The following LRP1B variants were observed in gnomAD, a reference collection of about 807,000 sequenced individuals.
LRP1B encodes the protein LDL receptor related protein 1B.
A neutral mutation model predicts 556.6 loss-of-function variants in LRP1B; 217 were observed. The ratio of observed to expected loss-of-function variants is 0.39; its 90% CI spans 0.35 to 0.44. The LOEUF (loss-of-function observed/expected upper bound fraction) is 0.44. LRP1B is among the 20% of genes least tolerant of loss of function. The pLI is 1.00. For missense variants in LRP1B, 5,053 were observed against 5,620.8 expected (o/e 0.90, Z 3.23); for synonymous variants, 2,047 against 1,865.8 (o/e 1.10, Z -2.50).
chr2:141,877,553 G>A (rs985969215), intron 1 of LRP1B, among the ~76,000 whole-genome samples: 2 of 151,990 alleles, frequency 1.3e-5, no homozygotes, highest in Non-Finnish European at 2.9e-5. Flanking sequence ...AAGAAGGAAG[G>A]TGATATTGTC....
intron 2 of LRP1B, among the ~76,000 whole-genome samples, chr2:141,553,825 A>G (rs934667985): frequency 7.2e-6 from 1 of 138,838 alleles, no homozygotes; most frequent in African/African-American, 2.6e-5. Flanking sequence ...TAATAGATAT[A>G]GGTATATAAT....
chr2:141,888,866 C>G (rs559085401), intron 1 of LRP1B, among the ~76,000 whole-genome samples: 1 of 152,104 alleles, frequency 6.6e-6, no homozygotes, highest in Non-Finnish European at 1.5e-5. Flanking sequence ...ATTCCACTTT[C>G]GTATATTGTA....
intron 84 of LRP1B, among the ~76,000 whole-genome samples, chr2:140,281,954 A>C (rs536532253): frequency 6.1e-4 from 93 of 151,718 alleles, no homozygotes; most frequent in African/African-American, 2.2e-3. Flanking sequence ...TAATTTTATA[A>C]ACTTTTGATG....
intron 77 of LRP1B, among the ~76,000 whole-genome samples, chr2:140,345,829 T>G (rs1336053979): frequency 1.4e-5 from 2 of 140,292 alleles, no homozygotes; most frequent in Non-Finnish European, 3.1e-5. Flanking sequence ...CATATATACA[T>G]ATATATATAC....
At chr2:140,653,230 C>T (rs1171004998) in intron 41 of LRP1B, among the ~76,000 whole-genome samples, 1 of 151,848 alleles carries the variant, frequency 6.6e-6, no homozygotes, top group African/African-American at 2.4e-5. Flanking sequence ...AGGAAACCTC[C>T]CGGACTATAC....
intron 6 of LRP1B, among the ~76,000 whole-genome samples, chr2:141,191,951 G>C (rs1389374026): frequency 6.6e-6 from 1 of 151,902 alleles, no homozygotes; most frequent in African/African-American, 2.4e-5. Flanking sequence ...CAAAAGAGCT[G>C]TTTGACAGCA....
chr2:142,043,239 T>C (rs540475212), intron 1 of LRP1B, among the ~76,000 whole-genome samples: 28 of 151,670 alleles, frequency 1.8e-4, no homozygotes, highest in Non-Finnish European at 3.4e-4. Flanking sequence ...TGAAACACAA[T>C]CCATATAAAC....
chr2:141,971,392 T>A (rs1254120785), intron 1 of LRP1B, among the ~76,000 whole-genome samples: 1 of 151,506 alleles, frequency 6.6e-6, no homozygotes, highest in Non-Finnish European at 1.5e-5. Flanking sequence ...CCTAAGGACA[T>A]CCTTGTCTTC....
chr2:141,740,942 A>G lies in LRP1B; in HGVS notation c.205+69337T>C, dbSNP rs188775830. On this transcript the variant is annotated intron_variant, in intron 2 of 90. Coordinates refer to ENST00000389484, the MANE Select transcript of LRP1B (RefSeq NM_018557.3). The stretch of plus-strand genomic sequence containing the variant: ...CACTACTCTCTCTAGTTTCTGGTAA[A>G]CCAGCCTTCTACTTTCTACCTCCGT... 8.5e-5 allele frequency among the ~76,000 whole-genome samples: 13 copies of G among 152,244 alleles called. No homozygotes were observed. The East Asian group carries it at 2.5e-3, about 29-fold the overall frequency.
intron 26 of LRP1B, 97 bp downstream of exon 26, chr2:140,868,002 T>A (rs2105155243): frequency 7.5e-7 from 1 of 1,333,076 alleles, no homozygotes; most frequent in Non-Finnish European, 1.0e-6. Context: ...AATTTTAATA[T>A]ATGTATACAT....
intron 20 of LRP1B, among the ~76,000 whole-genome samples, chr2:140,948,358 T>C (rs1350700319): frequency 3.3e-5 from 5 of 152,274 alleles, no homozygotes; most frequent in African/African-American, 9.6e-5. Context: ...GTTTCAAATA[T>C]TGGCAAAAAA....
chr2:140,841,895 G>C (rs1020519354), intron 29 of LRP1B, among the ~76,000 whole-genome samples: 1 of 147,782 alleles, frequency 6.8e-6, no homozygotes, highest in Non-Finnish European at 1.5e-5. Context: ...TATAAAGTAG[G>C]CCAGTTTAGT....
intron 3 of LRP1B, among the ~76,000 whole-genome samples, chr2:141,266,068 TAATCCCAGCACTTTG>T (rs1351282155): frequency 6.6e-6 from 1 of 152,094 alleles, no homozygotes; most frequent in East Asian, 1.9e-4. Context: ...CTCACGCCTG[TAATCCCAGCACTTTG>T]GGAGGCCGAG....
intron 60 of LRP1B, among the ~76,000 whole-genome samples, chr2:140,462,092 C>A (rs1336364495): frequency 6.6e-6 from 1 of 152,054 alleles, no homozygotes; most frequent in South Asian, 2.1e-4. Context: ...GAAAGGTAAT[C>A]CCCTAAAACT....
intron 2 of LRP1B, among the ~76,000 whole-genome samples, chr2:141,516,692 C>CT (rs11316394): frequency 2.4e-5 from 3 of 124,586 alleles, no homozygotes; most frequent in African/African-American, 8.9e-5. Flanking sequence ...CTCTCTCTCT[C>CT]TTTTTTTTTT....
intron 18 of LRP1B, among the ~76,000 whole-genome samples, chr2:140,976,309 TTTCTC>T (rs1696596114): frequency 6.6e-6 from 1 of 151,878 alleles, no homozygotes; most frequent in Non-Finnish European, 1.5e-5. Flanking sequence ...TGTCCTCTCT[TTTCTC>T]TTTTCTTGTA....
At chr2:141,109,689 G>A (rs1429400312) in intron 7 of LRP1B, among the ~76,000 whole-genome samples, 1 of 151,372 alleles carries the variant, frequency 6.6e-6, no homozygotes, top group Non-Finnish European at 1.5e-5. Flanking sequence ...AAATACTTTG[G>A]AGGATAAGAT....
intron 2 of LRP1B, among the ~76,000 whole-genome samples, chr2:141,614,080 CAAAAAAAAA>C (rs550183140): frequency 4.2e-5 from 2 of 47,346 alleles, no homozygotes; most frequent in African/African-American, 1.8e-4. Context: ...AACTCAGCCT[CAAAAAAAAA>C]AAAAAAAAAA....
intron 65 of LRP1B, 126 bp downstream of exon 65, chr2:140,444,204 A>G: frequency 9.5e-7 from 1 of 1,049,978 alleles, no homozygotes; most frequent in Admixed American, 2.5e-5. Flanking sequence ...TCTATTTCTA[A>G]TTATTTGACC....
Sources: allele counts gnomAD v4.1 joint callset (sites outside exome capture counted in the v4.1 genomes callset), GRCh38; gene constraint gnomAD v4.1.1; transcripts MANE v1.5; gene names NCBI Gene and HGNC (gene_info 2026-07-23, HGNC 2026-07-21).